Variants in TNKS observed in about 807,000 individuals in gnomAD.
The protein encoded by TNKS is poly [ADP-ribose] polymerase tankyrase-1.
Under a neutral mutation model 135.8 loss-of-function variants are expected in TNKS, and 72 were observed. That is an observed-to-expected ratio of 0.53 (90% CI 0.44 to 0.64). The LOEUF (loss-of-function observed/expected upper bound fraction) is 0.64, where lower values mean the gene tolerates loss of function less well. TNKS is among the 30% of genes least tolerant of loss of function. The probability of loss-of-function intolerance (pLI) is 0.00; values close to 1 mark genes in which losing one functional copy is unlikely to be tolerated. For synonymous variants in TNKS, 849 were observed against 649.3 expected, an observed-to-expected ratio of 1.31 and a Z score of -4.68; for missense variants, 1,769 against 1,674.0, an observed-to-expected ratio of 1.06 and a Z score of -0.99.
intron 3 of TNKS, among the ~76,000 whole-genome samples, chr8:9,620,208 A>G (rs1303956430): frequency 2.6e-5 from 4 of 152,076 alleles, no homozygotes; most frequent in African/African-American, 9.7e-5. Context: ...TGGCCTCCCA[A>G]AGTGCCGGGA....
At chr8:9,703,954 A>C (rs1803933978) in intron 5 of TNKS, among the ~76,000 whole-genome samples, 1 of 152,226 alleles carries the variant, frequency 6.6e-6, no homozygotes, top group African/African-American at 2.4e-5. Context: ...GAACCTTCTA[A>C]TAACTTGACT....
At chr8:9,681,149 C>T (rs1181488853) in intron 5 of TNKS, 1 of 169,084 alleles carries the variant, frequency 5.9e-6, no homozygotes, top group Non-Finnish European at 1.3e-5. Flanking sequence ...TTTGTTAAGA[C>T]ATTTGTGTTT....
intron 2 of TNKS, among the ~76,000 whole-genome samples, chr8:9,598,703 ATATG>A (rs1421273583): frequency 1.7e-4 from 19 of 112,842 alleles, no homozygotes; most frequent in Middle Eastern, 4.2e-3. Context: ...CTTGTCTAAA[ATATG>A]TGTGTGTGTG....
intron 2 of TNKS, among the ~76,000 whole-genome samples, chr8:9,597,129 G>A (rs1163476221): frequency 1.3e-5 from 2 of 152,206 alleles, no homozygotes; most frequent in Non-Finnish European, 2.9e-5. Flanking sequence ...TTACAATTAA[G>A]TATGAATTGC....
intron 12 of TNKS, among the ~76,000 whole-genome samples, chr8:9,726,045 G>C (rs1174341623): frequency 6.6e-6 from 1 of 152,140 alleles, no homozygotes; most frequent in Non-Finnish European, 1.5e-5. Flanking sequence ...TCTGTTCACT[G>C]ATTATACTTC....
intron 2 of TNKS, among the ~76,000 whole-genome samples, chr8:9,598,765 G>GTATATATATATA (rs71201956): frequency 1.6e-4 from 8 of 49,614 alleles, no homozygotes; most frequent in East Asian, 1.0e-3. Flanking sequence ...ATGTGTGTGT[G>GTATATATATATA]TATATATATA....
chr8:9,580,628 A>C (rs1563401032), intron 2 of TNKS, among the ~76,000 whole-genome samples: 1 of 152,290 alleles, frequency 6.6e-6, no homozygotes, highest in East Asian at 1.9e-4. Flanking sequence ...TTAATGGATT[A>C]CTATTGTCAA....
At chr8:9,707,432 TTGACAG>T (rs1804102681) in intron 8 of TNKS, among the ~76,000 whole-genome samples, 1 of 152,170 alleles carries the variant, frequency 6.6e-6, no homozygotes, top group African/African-American at 2.4e-5. Flanking sequence ...TCTTGTGCCA[TTGACAG>T]TGACAGGTAT....
intron 2 of TNKS, among the ~76,000 whole-genome samples, chr8:9,598,705 A>ATGTG (rs376761155): frequency 0.013 from 1,454 of 108,184 alleles, 42 homozygotes; most frequent in African/African-American, 0.041. Flanking sequence ...TGTCTAAAAT[A>ATGTG]TGTGTGTGTG....
At chr8:9,570,280 A>G (rs1273002730) in intron 1 of TNKS, among the ~76,000 whole-genome samples, 1 of 152,156 alleles carries the variant, frequency 6.6e-6, no homozygotes, top group Non-Finnish European at 1.5e-5. Context: ...GTCTCTACAA[A>G]AAAATTTAAA....
intron 11 of TNKS, among the ~76,000 whole-genome samples, chr8:9,718,583 T>C (rs1804720912): frequency 2.0e-5 from 3 of 152,180 alleles, no homozygotes. Flanking sequence ...TTATATAGTT[T>C]TACTGAGTTA....
chr8:9,663,862 C>A (rs1356153686), intron 3 of TNKS, among the ~76,000 whole-genome samples: 1 of 152,202 alleles, frequency 6.6e-6, no homozygotes, highest in Admixed American at 6.5e-5. Flanking sequence ...CTTCCTAGCA[C>A]CTCCACACGT....
rs1488143907 is a variant in TNKS at position 9,780,845 on chromosome 8, C to A, written c.*4109C>A. On this transcript the variant is annotated 3_prime_UTR_variant, in exon 27 of 27. Transcript: ENST00000310430. ...GCAATGGAGCTGATTAAAATTAATC[C>A]ATTTCAATTTCTCCATATTGGAACT... 1 of 152,160 alleles carries A rather than the reference C, an allele frequency of 6.6e-6. No homozygotes were observed. Among genetic ancestry groups the A allele is most frequent in the Non-Finnish European group, 1.5e-5 (1 of 68,030 alleles). The allele number at this position is 152,160 out of a possible 1,614,324, so 9.4% of individuals were successfully genotyped here.
Position 9,706,924 on chromosome 8 carries a change from T to C in TNKS, c.1383T>C (p.Pro461=), listed in dbSNP as rs1212181679. The change falls in exon 8 of 27, where the codon CCT becomes CCC. Residue 461 remains proline (P), a synonymous_variant. Transcript: ENST00000310430. ...CSLLLSHGAD[P]TLVNCHGKSA... ...TGTTACTTAGCCATGGCGCTGATCC[T>C]ACATTAGTCAACTGCCATGGCAAAA... 1 of 1,614,082 alleles carries C rather than the reference T, an allele frequency of 6.2e-7. No homozygotes were observed. The highest frequency in any genetic ancestry group is 2.2e-5 in the East Asian group (1 of 44,872).
intron 2 of TNKS, among the ~76,000 whole-genome samples, chr8:9,608,129 C>G (rs1432103006): frequency 6.6e-6 from 1 of 151,996 alleles, no homozygotes; most frequent in East Asian, 1.9e-4. Flanking sequence ...TTTGAAAAGT[C>G]CAGGTCTCCC....
intron 2 of TNKS, among the ~76,000 whole-genome samples, chr8:9,606,323 C>G (rs1464108368): frequency 6.6e-6 from 1 of 151,728 alleles, no homozygotes; most frequent in Non-Finnish European, 1.5e-5. Context: ...TTTACATACC[C>G]AAGTCTGAAT....
intron 1 of TNKS, among the ~76,000 whole-genome samples, chr8:9,561,979 G>A (rs1258602717): frequency 6.6e-6 from 1 of 152,062 alleles, no homozygotes; most frequent in African/African-American, 2.4e-5. Flanking sequence ...ACCACGCCCA[G>A]CTAATTTTTG....
chr8:9,732,617 C>G (rs1347086801), intron 14 of TNKS, among the ~76,000 whole-genome samples: 1 of 148,542 alleles, frequency 6.7e-6, no homozygotes, highest in East Asian at 2.0e-4. Context: ...TACTTTGCTT[C>G]TGCCATGTGT....
intron 2 of TNKS, among the ~76,000 whole-genome samples, chr8:9,597,704 C>T (rs980610763): frequency 1.3e-5 from 2 of 152,122 alleles, no homozygotes; most frequent in African/African-American, 4.8e-5. Context: ...AAGCAGATTA[C>T]TCATGAGTAA....
Sources: gnomAD v4.1 joint callset for allele counts (sites outside exome capture counted in the v4.1 genomes callset) on GRCh38, gnomAD v4.1.1 for gene constraint, MANE v1.5 for transcripts, NCBI Gene and HGNC (gene_info 2026-07-23, HGNC 2026-07-21) for gene names.